Variants in KIAA1549L observed in about 807,000 individuals in gnomAD.
The protein encoded by KIAA1549L is KIAA1549 like.
Under a neutral mutation model 160.7 loss-of-function variants are expected in KIAA1549L, and 88 were observed. The observed-to-expected ratio is 0.55, with a 90% CI of 0.46 to 0.65. The LOEUF (loss-of-function observed/expected upper bound fraction) is 0.65. Among genes scored for constraint, KIAA1549L ranks in the 30% least tolerant of loss-of-function variants. The pLI, the probability that KIAA1549L is intolerant of heterozygous loss-of-function variation, is 0.00. For missense variants in KIAA1549L, 2,258 were observed against 2,437.5 expected (o/e 0.93, Z 1.55); for synonymous variants, 950 against 976.7 (o/e 0.97, Z 0.51).
In KIAA1549L at chr11:33,656,115, A is replaced by T; in HGVS notation, c.5858+6A>T. Reference sequence around the variant, plus strand: ...GCTGTCGCTTCTCTCAGGCGGTAACACGTTCCTTTCTTTGTTTTGTTTGGA... The same window carrying T: ...GCTGTCGCTTCTCTCAGGCGGTAACTCGTTCCTTTCTTTGTTTTGTTTGGA... On this transcript the variant is annotated splice_donor_region_variant and intron_variant, in intron 18 of 20. Transcript: ENST00000658780. The T allele has an allele frequency of 1.2e-6, 2 of 1,607,124 alleles. No homozygotes were observed. The highest frequency in any genetic ancestry group is 1.7e-6 in the Non-Finnish European group (2 of 1,174,196).
intron 15 of KIAA1549L, among the ~76,000 whole-genome samples, chr11:33,615,452 A>G (rs1287136728): frequency 6.6e-6 from 1 of 152,224 alleles, no homozygotes; most frequent in African/African-American, 2.4e-5. Context: ...AAAAGTATAT[A>G]GCAAAATATC....
At chr11:33,623,026 T>C (rs779521862) in intron 16 of KIAA1549L, among the ~76,000 whole-genome samples, 1 of 152,202 alleles carries the variant, frequency 6.6e-6, no homozygotes, top group Non-Finnish European at 1.5e-5. Flanking sequence ...TGAAATATTA[T>C]CTGGAAAGTC....
intron 1 of KIAA1549L, among the ~76,000 whole-genome samples, chr11:33,407,330 C>T (rs932980924): frequency 2.0e-5 from 3 of 151,290 alleles, no homozygotes; most frequent in Admixed American, 6.6e-5. Flanking sequence ...GTGATCCGCC[C>T]GCCTCGGCAG....
chr11:33,439,503 T>C lies in KIAA1549L; in HGVS notation c.238+62614T>C, dbSNP rs375383086. On this transcript the variant is annotated intron_variant, in intron 1 of 20. Coordinates refer to ENST00000658780, the MANE Select transcript of KIAA1549L (RefSeq NM_012194.3). ...CTGCAAGCTCCGCCTTCCGGGTTCA[T>C]GCCATTCTCCTGCCTCAGCCTCCGG... 1.5e-3 allele frequency among the ~76,000 whole-genome samples: 222 copies of C among 151,508 alleles called. 1 individual carries two copies. Among genetic ancestry groups the C allele is most frequent in the African/African-American group, 4.6e-3 (191 of 41,288 alleles).
intron 1 of KIAA1549L, among the ~76,000 whole-genome samples, chr11:33,414,857 T>G (rs1850857795): frequency 6.6e-6 from 1 of 152,108 alleles, no homozygotes; most frequent in Non-Finnish European, 1.5e-5. Context: ...GAGAGAGACC[T>G]ATTCATGTCC....
In KIAA1549L at chr11:33,583,457, G is replaced by C. The variant is rs754748592; in HGVS notation, c.4522G>C (p.Asp1508His). Residue 1508 changes from aspartate to histidine, a missense_variant, in exon 11 of 21, where the codon GAC becomes CAC. Coordinates refer to ENST00000658780, the MANE Select transcript of KIAA1549L (RefSeq NM_012194.3). ...CGTGCTCTGCAGGAAGAACAAGAACGACTTCAAGCCTGACACCATGATAAA... is the reference window on the plus strand; with the variant it reads ...CGTGCTCTGCAGGAAGAACAAGAACCACTTCAAGCCTGACACCATGATAAA... Reference protein sequence around the residue: ...TAVLCRKNKNDFKPDTMINLP... With the variant: ...TAVLCRKNKNHFKPDTMINLP... The C allele has an allele frequency of 6.3e-7, 1 of 1,585,282 alleles. No individual in the cohort carries two copies. The highest frequency in any genetic ancestry group is 1.3e-5 in the African/African-American group (1 of 74,494).
chr11:33,472,240 G>A (rs1852195082), intron 1 of KIAA1549L, among the ~76,000 whole-genome samples: 1 of 146,628 alleles, frequency 6.8e-6, no homozygotes, highest in Admixed American at 6.8e-5. Flanking sequence ...AGCCTTCCAA[G>A]TAGCTAGGAC....
In KIAA1549L at chr11:33,526,308, A is replaced by T. The variant is rs115173618; in HGVS notation, c.239-15494A>T. The stretch of plus-strand genomic sequence containing the variant: ...TTCTACCGCCTGCAACATCCTGGGT[A>T]ACCAGAAGTCCTGAGTCTGTCCATG... On this transcript the variant is annotated intron_variant, in intron 1 of 20. Transcript: ENST00000658780. Among the ~76,000 whole-genome samples, 198 of 152,346 alleles carry T rather than the reference A, an allele frequency of 1.3e-3. 1 individual carries two copies. Among genetic ancestry groups the T allele is most frequent in the African/African-American group, 4.7e-3 (194 of 41,572 alleles).
chr11:33,524,316 T>C (rs1853563073), intron 1 of KIAA1549L, among the ~76,000 whole-genome samples: 1 of 152,120 alleles, frequency 6.6e-6, no homozygotes, highest in African/African-American at 2.4e-5. Context: ...TCCTAATGTC[T>C]TACACTTCTG....
At chr11:33,452,091 C>T (rs1182798704) in intron 1 of KIAA1549L, among the ~76,000 whole-genome samples, 2 of 152,138 alleles carry the variant, frequency 1.3e-5, no homozygotes, top group East Asian at 3.8e-4. Context: ...GGAGAAGATG[C>T]CTTTTAGTTA....
intron 1 of KIAA1549L, among the ~76,000 whole-genome samples, chr11:33,483,486 T>G (rs1435782462): frequency 2.0e-5 from 3 of 152,096 alleles, no homozygotes; most frequent in Non-Finnish European, 4.4e-5. Context: ...ATCATGAAGG[T>G]GAAATCTGAC....
At position 33,542,605 on chromosome 11, in the gene KIAA1549L, A is replaced by G. The variant is rs968807488; in HGVS notation, c.1042A>G (p.Met348Val). ...ATCCACACCTGGGTTTTTGAGCCCC[A>G]TGGCAGAACTGTCCCATCCGTCTCC... Reference protein sequence around the residue: ...GSSTPGFLSPMAELSHPSPPP... With the variant: ...GSSTPGFLSPVAELSHPSPPP... The change falls in exon 2 of 21, where the codon ATG (methionine) becomes GTG (valine). Residue 348 changes from methionine (M) to valine (V), a missense_variant. Physicochemically the swap from Met to Val is conservative, Grantham distance 21. Transcript: ENST00000658780. 3 of 1,613,904 alleles carry G rather than the reference A, an allele frequency of 1.9e-6. No individual in the cohort carries two copies. Among genetic ancestry groups the G allele is most frequent in the Middle Eastern group, 1.6e-4 (1 of 6,062 alleles).
intron 2 of KIAA1549L, 120 bp downstream of exon 2, chr11:33,544,456 TA>T: frequency 9.2e-7 from 1 of 1,091,810 alleles, no homozygotes; most frequent in Non-Finnish European, 1.3e-6. Flanking sequence ...AAGGAGCTCA[TA>T]CCCCCGATCA....
rs1396643113 is a variant in KIAA1549L, at chr11:33,542,631, C to G, written c.1068C>G (p.Pro356=). The change falls in exon 2 of 21, where the codon CCC becomes CCG. Residue 356 remains proline (P), a synonymous_variant. Transcript: ENST00000658780. ...SPMAELSHPS[P]PPPALGSLLQ... ...TGGCAGAACTGTCCCATCCGTCTCC[C>G]CCTCCCCCAGCACTTGGAAGTCTTC... 1 of 1,613,894 alleles carries G rather than the reference C, an allele frequency of 6.2e-7. No individual in the cohort carries two copies. Among genetic ancestry groups the G allele is most frequent in the Admixed American group, 1.7e-5 (1 of 60,012 alleles).
chr11:33,452,524 C>T (rs535423458), intron 1 of KIAA1549L, among the ~76,000 whole-genome samples: 13 of 152,304 alleles, frequency 8.5e-5, no homozygotes, highest in Non-Finnish European at 1.6e-4. Context: ...AGGAGAATGG[C>T]GTGAACCCAG....
chr11:33,591,518 T>TA, intron 12 of KIAA1549L, 97 bp downstream of exon 12: 1 of 971,018 alleles, frequency 1.0e-6, no homozygotes, highest in East Asian at 2.5e-5. Context: ...CGGTTCTCTT[T>TA]AAAAATTCCC....
intron 16 of KIAA1549L, among the ~76,000 whole-genome samples, chr11:33,630,210 G>A (rs1564931747): frequency 6.6e-6 from 1 of 152,200 alleles, no homozygotes; most frequent in African/African-American, 2.4e-5. Context: ...ATTTAAGTCT[G>A]CAGAGGTTAC....
chr11:33,451,564 C>T (rs1326755254), intron 1 of KIAA1549L, among the ~76,000 whole-genome samples: 1 of 152,228 alleles, frequency 6.6e-6, no homozygotes, highest in East Asian at 1.9e-4. Flanking sequence ...AAATTTTACT[C>T]ACTCTCCACT....
intron 19 of KIAA1549L, 122 bp downstream of exon 19, chr11:33,659,020 TC>T: frequency 9.6e-7 from 1 of 1,038,928 alleles, no homozygotes; most frequent in South Asian, 1.7e-5. Context: ...CCACTGCATT[TC>T]TGGATCCCCT....
Sources: allele counts gnomAD v4.1 joint callset (sites outside exome capture counted in the v4.1 genomes callset), GRCh38; gene constraint gnomAD v4.1.1; transcripts MANE v1.5; gene names NCBI Gene and HGNC (gene_info 2026-07-23, HGNC 2026-07-21).